CDC42SE2: variants seen among roughly 807,000 people sequenced by gnomAD.
CDC42SE2 encodes CDC42 small effector protein 2.
Under a neutral mutation model 11.5 loss-of-function variants are expected in CDC42SE2, and 3 were observed. That is an observed-to-expected ratio of 0.26 (90% CI 0.12 to 0.67). The LOEUF (loss-of-function observed/expected upper bound fraction) is 0.67. Ranked by LOEUF, CDC42SE2 falls within the 30% of genes least tolerant of loss-of-function variation. The pLI, the probability that CDC42SE2 is intolerant of heterozygous loss-of-function variation, is 0.80. For synonymous variants in CDC42SE2, 33 were observed against 34.8 expected (o/e 0.95, Z 0.18); for missense variants, 82 against 106.8 (o/e 0.77, Z 1.02).
chr5:131,307,387 G>T (rs1407127796), intron 1 of CDC42SE2, among the ~76,000 whole-genome samples: 8 of 151,936 alleles, frequency 5.3e-5, no homozygotes, highest in Non-Finnish European at 1.2e-4. Context: ...CCCTACAAAG[G>T]ACATGAACTC....
rs530821630 is a variant in CDC42SE2, at chr5:131,269,491, G to A, written c.-455+5325G>A. On this transcript the variant is annotated intron_variant, in intron 1 of 4. Coordinates refer to ENST00000505065, the MANE Select transcript of CDC42SE2 (RefSeq NM_001375635.1). ...GTACTAAAACATAAAATTATTGGCC[G>A]GGCGTGGTGGCTCATTCCTGTAATC... Among the ~76,000 whole-genome samples, 133 of 152,160 alleles carry A rather than the reference G, an allele frequency of 8.7e-4. 1 individual carries two copies. Among genetic ancestry groups the A allele is most frequent in the African/African-American group, 3.0e-3 (123 of 41,522 alleles).
At chr5:131,386,334 C>T (rs1251386871) in intron 4 of CDC42SE2, among the ~76,000 whole-genome samples, 1 of 152,244 alleles carries the variant, frequency 6.6e-6, no homozygotes, top group Non-Finnish European at 1.5e-5. Flanking sequence ...TGTTGTGCAG[C>T]CCGGTTCCTA....
chr5:131,289,394 C>T (rs997323746), intron 1 of CDC42SE2, among the ~76,000 whole-genome samples: 3 of 152,146 alleles, frequency 2.0e-5, no homozygotes, highest in Non-Finnish European at 2.9e-5. Flanking sequence ...TAGCATAGGC[C>T]GGGTGCAGTG....
At chr5:131,225,879 G>T in the CDC42SE2 span, among the ~76,000 whole-genome samples, 1 of 152,188 alleles carries the variant, frequency 6.6e-6, no homozygotes, top group African/African-American at 2.4e-5. Context: ...TGATAAAAAT[G>T]TGTGGAGCAT....
In CDC42SE2 at chr5:131,341,282, G is replaced by GT. The variant is rs199962973; in HGVS notation, c.-285-17924dup. On this transcript the variant is annotated intron_variant, in intron 2 of 4. Coordinates refer to ENST00000505065, the MANE Select transcript of CDC42SE2 (RefSeq NM_001375635.1). ...AATTCCAAGAGTTAAGGAAAAAAAT[G>GT]TTTAACTCTTCTAGAAGGGAAATAC... 5.9e-5 allele frequency among the ~76,000 whole-genome samples: 9 copies of GT among 152,238 alleles called. No individual in the cohort carries two copies. In the East Asian group the frequency reaches 1.4e-3, roughly 23 times the overall value.
At chr5:131,270,136 A>T (rs751848472) in intron 1 of CDC42SE2, among the ~76,000 whole-genome samples, 1 of 152,180 alleles carries the variant, frequency 6.6e-6, no homozygotes, top group East Asian at 1.9e-4. Flanking sequence ...GCACTTTGGG[A>T]GGCTGAGGCG....
At chr5:131,305,367 A>G (rs1757759331) in intron 1 of CDC42SE2, among the ~76,000 whole-genome samples, 1 of 152,218 alleles carries the variant, frequency 6.6e-6, no homozygotes, top group Non-Finnish European at 1.5e-5. Flanking sequence ...GAACCAGAAA[A>G]GGTTCAGAGA....
upstream of CDC42SE2, among the ~76,000 whole-genome samples, chr5:131,241,363 G>A (rs971918784): frequency 1.3e-5 from 2 of 152,020 alleles, no homozygotes; most frequent in African/African-American, 4.8e-5. Context: ...ACCTATCCGG[G>A]CATTATTCTA....
intron 1 of CDC42SE2, among the ~76,000 whole-genome samples, chr5:131,304,842 C>T (rs925202543): frequency 6.6e-6 from 1 of 152,134 alleles, no homozygotes; most frequent in Non-Finnish European, 1.5e-5. Flanking sequence ...TCTTGCTTTT[C>T]ATTTTAACCA....
At position 131,347,863 on chromosome 5, in the gene CDC42SE2, G is replaced by T. The variant is rs188752542; in HGVS notation, c.-285-11346G>T. 5.4e-3 allele frequency among the ~76,000 whole-genome samples: 828 copies of T among 152,226 alleles called. 11 individuals are homozygous for T. The highest frequency in any genetic ancestry group is 0.043 in the South Asian group (208 of 4,822). ...GTTCAACATATGCAAATCAATAAACGTAATCCATCATATAAACAGAACCAA... is the reference window on the plus strand; with the variant it reads ...GTTCAACATATGCAAATCAATAAACTTAATCCATCATATAAACAGAACCAA... On this transcript the variant is annotated intron_variant, in intron 2 of 4. Transcript: ENST00000505065.
At chr5:131,251,829 A>G (rs1339256191) in intron 1 of CDC42SE2, among the ~76,000 whole-genome samples, 4 of 152,156 alleles carry the variant, frequency 2.6e-5, no homozygotes, top group Non-Finnish European at 5.9e-5. Context: ...GCCTAGACAC[A>G]TAGTGAGACC....
the CDC42SE2 span, among the ~76,000 whole-genome samples, chr5:131,213,513 G>A: frequency 6.6e-6 from 1 of 152,078 alleles, no homozygotes; most frequent in Non-Finnish European, 1.5e-5. Context: ...CAGTGGCACA[G>A]TCGTGGCTCA....
In CDC42SE2 at chr5:131,353,872, A is replaced by T. The variant is rs1675494648; in HGVS notation, c.-285-5337A>T. ...AGTTGCAGTGAGCTGAGATTGTGCC[A>T]CTGCACTCTGGCCTCGGTGACAGAG... On this transcript the variant is annotated intron_variant, in intron 2 of 4. Coordinates refer to ENST00000505065, the MANE Select transcript of CDC42SE2 (RefSeq NM_001375635.1). Among the ~76,000 whole-genome samples the T allele has an allele frequency of 2.0e-5, 3 of 151,970 alleles. No homozygotes were observed. The South Asian group carries it at 6.2e-4, about 32-fold the overall frequency.
chr5:131,292,591 T>G (rs1203982469), intron 1 of CDC42SE2, among the ~76,000 whole-genome samples: 2 of 138,050 alleles, frequency 1.4e-5, no homozygotes, highest in Admixed American at 1.5e-4. Context: ...AACAAAAAAC[T>G]TGGTAATTTA....
At chr5:131,264,497 C>T (rs1039402104) in intron 1 of CDC42SE2, among the ~76,000 whole-genome samples, 1 of 151,936 alleles carries the variant, frequency 6.6e-6, no homozygotes, top group African/African-American at 2.4e-5. Flanking sequence ...GCAGACCCCC[C>T]CCCTCCCCCC....
chr5:131,309,620 C>G (rs1478181715), intron 1 of CDC42SE2, among the ~76,000 whole-genome samples: 2 of 151,730 alleles, frequency 1.3e-5, no homozygotes, highest in Non-Finnish European at 1.5e-5. Flanking sequence ...GCCACAATTT[C>G]AGCTCCTGTT....
intron 1 of CDC42SE2, among the ~76,000 whole-genome samples, chr5:131,303,960 TA>T (rs1757733010): frequency 6.6e-6 from 1 of 151,566 alleles, no homozygotes; most frequent in Non-Finnish European, 1.5e-5. Flanking sequence ...CTGTCTAAAA[TA>T]ATTTTCTTTT....
chr5:131,312,483 A>G (rs201843135), intron 1 of CDC42SE2, among the ~76,000 whole-genome samples: 60 of 152,216 alleles, frequency 3.9e-4, no homozygotes, highest in African/African-American at 1.4e-3. Flanking sequence ...TTGAGCTTCC[A>G]GGCTGCTTTG....
chr5:131,314,215 A>G (rs919061693), intron 1 of CDC42SE2, among the ~76,000 whole-genome samples: 3 of 148,840 alleles, frequency 2.0e-5, no homozygotes, highest in East Asian at 2.0e-4. Flanking sequence ...AAATGAAATT[A>G]TTTTTTAAAT....
Sources: gnomAD v4.1 joint callset for allele counts (sites outside exome capture counted in the v4.1 genomes callset) on GRCh38, gnomAD v4.1.1 for gene constraint, MANE v1.5 for transcripts, NCBI Gene and HGNC (gene_info 2026-07-23, HGNC 2026-07-21) for gene names.